SMARCC1: variants seen among roughly 807,000 people sequenced by gnomAD.
SMARCC1 encodes SWI/SNF complex subunit SMARCC1.
SMARCC1 carries 43 observed loss-of-function variants against 147.4 expected under a neutral mutation model. The ratio of observed to expected loss-of-function variants is 0.29; its 90% CI spans 0.23 to 0.38. The LOEUF (loss-of-function observed/expected upper bound fraction) is 0.38. Among genes scored for constraint, SMARCC1 ranks in the 10% least tolerant of loss-of-function variants. SMARCC1 has a pLI of 1.00. For missense variants in SMARCC1, 1,119 were observed against 1,381.1 expected, an observed-to-expected ratio of 0.81 and a Z score of 3.01; for synonymous variants, 495 against 484.4, an observed-to-expected ratio of 1.02 and a Z score of -0.29.
At position 47,600,699 on chromosome 3, in the gene SMARCC1, G is replaced by A. The variant is rs1576383509; in HGVS notation, c.3043+9367C>T. Among the ~76,000 whole-genome samples the A allele has an allele frequency of 5.3e-5, 8 of 152,236 alleles. 1 individual carries two copies. The highest frequency in any genetic ancestry group is 5.2e-4 in the Admixed American group (8 of 15,294). Reference sequence around the variant, plus strand: ...TTCCAAGGATGAAATCTGAAATGGGGTAGAATTTAAGAAGACTCAGGAGAA... The same window carrying A: ...TTCCAAGGATGAAATCTGAAATGGGATAGAATTTAAGAAGACTCAGGAGAA... On this transcript the variant is annotated intron_variant, in intron 26 of 27. Coordinates refer to ENST00000254480, the MANE Select transcript of SMARCC1 (RefSeq NM_003074.4).
chr3:47,609,423 G>A (rs1180087998), intron 26 of SMARCC1, among the ~76,000 whole-genome samples: 1 of 152,152 alleles, frequency 6.6e-6, no homozygotes, highest in African/African-American at 2.4e-5. Flanking sequence ...CATGAACCCA[G>A]GAGGCGGAGC....
intron 18 of SMARCC1, among the ~76,000 whole-genome samples, chr3:47,675,024 C>G (rs904705421): frequency 1.3e-5 from 2 of 152,084 alleles, no homozygotes; most frequent in Admixed American, 1.3e-4. Flanking sequence ...TGTGAGCCAC[C>G]GTGTCCAGCC....
At chr3:47,647,137 G>C (rs1017754984) in intron 21 of SMARCC1, among the ~76,000 whole-genome samples, 1 of 152,192 alleles carries the variant, frequency 6.6e-6, no homozygotes, top group African/African-American at 2.4e-5. Flanking sequence ...ACAGCGAAAA[G>C]AATGCACTCG....
At chr3:47,597,958 A>T (rs1452145518) in intron 26 of SMARCC1, among the ~76,000 whole-genome samples, 2 of 152,236 alleles carry the variant, frequency 1.3e-5, no homozygotes, top group Non-Finnish European at 2.9e-5. Flanking sequence ...AGTGAAATAC[A>T]GAGGTATCGG....
At chr3:47,693,715 T>C (rs2033817051) in intron 11 of SMARCC1, among the ~76,000 whole-genome samples, 1 of 152,170 alleles carries the variant, frequency 6.6e-6, no homozygotes, top group Non-Finnish European at 1.5e-5. Context: ...CAGACTTGAG[T>C]GCAGTGGTGC....
intron 19 of SMARCC1, among the ~76,000 whole-genome samples, chr3:47,667,705 C>G (rs150015632): frequency 6.6e-6 from 1 of 152,068 alleles, no homozygotes; most frequent in Non-Finnish European, 1.5e-5. Flanking sequence ...GGTGAAACCC[C>G]GTGTCTTCTG....
At chr3:47,710,850 A>G (rs1443228689) in intron 8 of SMARCC1, 42 bp from the exon 9 acceptor site, 2 of 1,547,566 alleles carry the variant, frequency 1.3e-6, no homozygotes, top group South Asian at 2.4e-5. Context: ...TAAATAACAA[A>G]ATCACTCAAG....
At chr3:47,593,585 A>G (rs1302279235) in intron 26 of SMARCC1, among the ~76,000 whole-genome samples, 2 of 152,244 alleles carry the variant, frequency 1.3e-5, no homozygotes, top group Non-Finnish European at 2.9e-5. Flanking sequence ...ACAACTATGA[A>G]ACTGAATATA....
In SMARCC1 at chr3:47,587,989, C is replaced by T; in HGVS notation, c.*220G>A. Reference sequence around the variant, plus strand: ...GGTTATTTTAAGGATGACCAGGGCACACTGTCACTACAGGTTTCCCCTTGA... The same window carrying T: ...GGTTATTTTAAGGATGACCAGGGCATACTGTCACTACAGGTTTCCCCTTGA... On this transcript the variant is annotated 3_prime_UTR_variant, in exon 28 of 28. Transcript: ENST00000254480. 1 of 542,692 alleles carries T rather than the reference C, an allele frequency of 1.8e-6. No homozygotes were observed. The highest frequency in any genetic ancestry group is 3.3e-6 in the Non-Finnish European group (1 of 307,356). The allele number at this position is 542,692 out of a possible 1,614,324, so 33.6% of individuals were successfully genotyped here.
chr3:47,706,206 G>A (rs2033992052), intron 10 of SMARCC1, among the ~76,000 whole-genome samples: 1 of 151,884 alleles, frequency 6.6e-6, no homozygotes, highest in Non-Finnish European at 1.5e-5. Context: ...CAAGTAGCTG[G>A]GATGACAGGC....
intron 26 of SMARCC1, among the ~76,000 whole-genome samples, chr3:47,601,302 T>C (rs1184110029): frequency 1.3e-5 from 2 of 152,180 alleles, no homozygotes; most frequent in African/African-American, 2.4e-5. Flanking sequence ...CTTAATTTTA[T>C]ACTTTGGGTT....
At chr3:47,633,779 T>C (rs62262087) in intron 24 of SMARCC1, among the ~76,000 whole-genome samples, 3,254 of 28,648 alleles carry the variant, frequency 0.11, 500 homozygotes, top group African/African-American at 0.31. Flanking sequence ...TATATATATA[T>C]ACACACACAC....
chr3:47,706,399 T>TA lies in SMARCC1; in HGVS notation c.1040+9dup. ...TTTTAATGCCCTTTGAATCATGTAA[T>TA]AGTTCTTACCCTTTCTTCCCACTCT... On this transcript the variant is annotated intron_variant, in intron 10 of 27. Coordinates refer to ENST00000254480, the MANE Select transcript of SMARCC1 (RefSeq NM_003074.4). The TA allele has an allele frequency of 6.5e-7, 1 of 1,542,952 alleles. No homozygotes were observed. The highest frequency in any genetic ancestry group is 2.5e-5 in the East Asian group (1 of 40,406).
intron 9 of SMARCC1, 132 bp downstream of exon 9, chr3:47,710,551 T>C (rs2034072494): frequency 2.4e-6 from 2 of 837,522 alleles, no homozygotes; most frequent in Non-Finnish European, 3.6e-6. Flanking sequence ...TTTCACCTGA[T>C]GGCACATCAG....
chr3:47,663,796 C>T (rs2033383408), intron 19 of SMARCC1: 25 of 1,581,410 alleles, frequency 1.6e-5, no homozygotes, highest in Non-Finnish European at 2.0e-5. Flanking sequence ...CCGCCCTCAC[C>T]TACAGCCTCT....
At chr3:47,760,961 C>T (rs1236428923) in intron 2 of SMARCC1, among the ~76,000 whole-genome samples, 1 of 151,806 alleles carries the variant, frequency 6.6e-6, no homozygotes, top group Non-Finnish European at 1.5e-5. Flanking sequence ...GGTGAAACCC[C>T]ATCTCTACTA....
intron 26 of SMARCC1, among the ~76,000 whole-genome samples, chr3:47,593,888 G>C (rs576503035): frequency 6.6e-6 from 1 of 152,136 alleles, no homozygotes; most frequent in Non-Finnish European, 1.5e-5. Context: ...TAAGGGGCTG[G>C]GCACAGTGGC....
intron 12 of SMARCC1, among the ~76,000 whole-genome samples, chr3:47,692,085 T>C (rs1213830264): frequency 6.6e-6 from 1 of 152,228 alleles, no homozygotes; most frequent in East Asian, 1.9e-4. Flanking sequence ...AAAAAAGATC[T>C]TGAAAATCCC....
chr3:47,702,241 A>AAG (rs1383935981), intron 10 of SMARCC1, among the ~76,000 whole-genome samples: 3 of 151,624 alleles, frequency 2.0e-5, no homozygotes, highest in Non-Finnish European at 4.4e-5. Flanking sequence ...AAAAAAAAAA[A>AAG]AAAAACCCCA....
Sources: allele counts gnomAD v4.1 joint callset (sites outside exome capture counted in the v4.1 genomes callset), GRCh38; gene constraint gnomAD v4.1.1; transcripts MANE v1.5; gene names NCBI Gene and HGNC (gene_info 2026-07-23, HGNC 2026-07-21).